The following LURAP1 variants were observed in gnomAD, a reference collection of about 807,000 sequenced individuals.
LURAP1 encodes NF-kappa-B activator C1orf190.
In LURAP1, 14 loss-of-function variants were observed where a neutral mutation model predicts 19.0. The ratio of observed to expected loss-of-function variants is 0.74; its 90% CI spans 0.49 to 1.15. LURAP1 has a LOEUF of 1.15. Ranked by LOEUF, LURAP1 falls within the 50% of genes most tolerant of loss-of-function variation. The probability of loss-of-function intolerance (pLI) is 0.00; values close to 1 mark genes in which losing one functional copy is unlikely to be tolerated. For synonymous variants in LURAP1, 129 were observed against 131.8 expected, an observed-to-expected ratio of 0.98 and a Z score of 0.14; for missense variants, 273 against 309.1, an observed-to-expected ratio of 0.88 and a Z score of 0.87.
At chr1:46,216,449 C>G (rs908914233) in intron 1 of LURAP1, among the ~76,000 whole-genome samples, 1 of 152,166 alleles carries the variant, frequency 6.6e-6, no homozygotes, top group Non-Finnish European at 1.5e-5. Flanking sequence ...TCAAGCAATC[C>G]TCTCACCTCA....
chr1:46,214,137 G>A (rs1276683231), intron 1 of LURAP1, among the ~76,000 whole-genome samples: 2 of 152,114 alleles, frequency 1.3e-5, no homozygotes, highest in African/African-American at 4.8e-5. Flanking sequence ...CTTGAGGTCA[G>A]GAATTTGAGA....
rs964622538 is a variant in LURAP1, at chr1:46,204,663, C to A, written c.198+1039C>A. ...TGGGAAGAGAGTCTGGTGGGTGGAG[C>A]AGTCAGGAAAGGCCCCCTGGGAGAA... On this transcript the variant is annotated intron_variant, in intron 1 of 1. Coordinates refer to ENST00000371980, the MANE Select transcript of LURAP1 (RefSeq NM_001013615.3). Among the ~76,000 whole-genome samples, 3 of 152,158 alleles carry A rather than the reference C, an allele frequency of 2.0e-5. No individual in the cohort carries two copies. In the South Asian group the frequency reaches 6.2e-4, roughly 32 times the overall value.
intron 1 of LURAP1, among the ~76,000 whole-genome samples, chr1:46,213,619 G>A (rs905979107): frequency 9.9e-5 from 15 of 152,092 alleles, no homozygotes; most frequent in Admixed American, 2.6e-4. Flanking sequence ...AGCACTCTGG[G>A]AGGCTGAGGT....
chr1:46,208,276 G>A (rs1015834405), intron 1 of LURAP1, among the ~76,000 whole-genome samples: 6 of 152,130 alleles, frequency 3.9e-5, no homozygotes, highest in African/African-American at 1.4e-4. Context: ...TGCAGGCTGA[G>A]CCACAATGCC....
Position 46,219,984 on chromosome 1 carries a change from C to G in LURAP1, c.484C>G (p.Pro162Ala), listed in dbSNP as rs377174586. 2.4e-5 allele frequency: 39 copies of G among 1,614,246 alleles called. No individual in the cohort carries two copies. Among genetic ancestry groups the G allele is most frequent in the Non-Finnish European group, 3.2e-5 (38 of 1,180,040 alleles). Residue 162 changes from proline to alanine, a missense_variant, in exon 2 of 2, where the codon CCT (proline) becomes GCT (alanine). Transcript: ENST00000371980. The part of the protein sequence containing the change: ...APSELDEQGP[P>A]GAPRSEMDWA... Reference sequence around the variant, plus strand: ...CAGCGAGCTGGATGAACAGGGCCCACCTGGGGCTCCACGTTCCGAGATGGA... The same window carrying G: ...CAGCGAGCTGGATGAACAGGGCCCAGCTGGGGCTCCACGTTCCGAGATGGA...
chr1:46,212,108 A>T (rs1266338736), intron 1 of LURAP1, among the ~76,000 whole-genome samples: 1 of 152,148 alleles, frequency 6.6e-6, no homozygotes, highest in Non-Finnish European at 1.5e-5. Flanking sequence ...TTTATCATAG[A>T]TGTGAATAAA....
chr1:46,204,596 G>T (rs994555390), intron 1 of LURAP1, among the ~76,000 whole-genome samples: 2 of 152,186 alleles, frequency 1.3e-5, no homozygotes, highest in African/African-American at 4.8e-5. Context: ...AATCATGGGG[G>T]CTCTGAGACC....
chr1:46,210,084 G>C (rs1221344740), intron 1 of LURAP1, among the ~76,000 whole-genome samples: 1 of 152,120 alleles, frequency 6.6e-6, no homozygotes. Flanking sequence ...TATTGAGACT[G>C]CAAGCTTCTA....
At position 46,207,002 on chromosome 1, in the gene LURAP1, G is replaced by A. The variant is rs1658737465; in HGVS notation, c.198+3378G>A. Among the ~76,000 whole-genome samples, 10 of 152,236 alleles carry A rather than the reference G, an allele frequency of 6.6e-5. No homozygotes were observed. The South Asian group carries it at 2.1e-3, about 32-fold the overall frequency. On this transcript the variant is annotated intron_variant, in intron 1 of 1. Transcript: ENST00000371980. ...GGTTGGGTTTGTGCTCTAGAAAGTC[G>A]ATTTCAAATTGGAAGGAGGCACAGG...
chr1:46,217,790 G>A (rs534153307), intron 1 of LURAP1, among the ~76,000 whole-genome samples: 1 of 152,244 alleles, frequency 6.6e-6, no homozygotes, highest in East Asian at 1.9e-4. Context: ...CCTGGAGGCG[G>A]AGGTTGCAGT....
At chr1:46,206,700 G>A (rs866638036) in intron 1 of LURAP1, among the ~76,000 whole-genome samples, 1 of 152,196 alleles carries the variant, frequency 6.6e-6, no homozygotes, top group Non-Finnish European at 1.5e-5. Context: ...TCTGCTCTCA[G>A]ATTTATTTCC....
At chr1:46,212,701 C>T (rs1658940900) in intron 1 of LURAP1, among the ~76,000 whole-genome samples, 2 of 152,072 alleles carry the variant, frequency 1.3e-5, no homozygotes, top group African/African-American at 2.4e-5. Context: ...CTGAGCCTCC[C>T]GAGTAGCTGG....
rs1659201317 is a variant in LURAP1, at chr1:46,220,302, T to A, written c.*82T>A. The A allele has an allele frequency of 7.1e-7, 1 of 1,415,044 alleles. No homozygotes were observed. The highest frequency in any genetic ancestry group is 1.4e-5 in the African/African-American group (1 of 70,284). 87.7% of individuals were successfully genotyped at this position (1,415,044 alleles called of 1,614,324 possible). A position where few individuals can be genotyped will look rare whatever the true frequency, so the allele number is the denominator to read the frequency against. On this transcript the variant is annotated 3_prime_UTR_variant, in exon 2 of 2. Transcript: ENST00000371980. The stretch of plus-strand genomic sequence containing the variant: ...CCCCAAAATTGATTCTCCCTCAGTC[T>A]GAGACTAGGAAGAGGCTGCACTGAA...
At chr1:46,209,555 T>C (rs1658828654) in intron 1 of LURAP1, among the ~76,000 whole-genome samples, 2 of 150,448 alleles carry the variant, frequency 1.3e-5, no homozygotes, top group Non-Finnish European at 3.0e-5. Flanking sequence ...TTTTCTTTTT[T>C]TTTTTTTGAG....
rs1659228870 is a variant in LURAP1 at position 46,221,205 on chromosome 1, T to A, written c.*985T>A. On this transcript the variant is annotated 3_prime_UTR_variant, in exon 2 of 2. Coordinates refer to ENST00000371980, the MANE Select transcript of LURAP1 (RefSeq NM_001013615.3). Reference sequence around the variant, plus strand: ...GGCAGGAAAGTTTCTCATTGTCAGATGTTTGTGCTTCTTTTCAGGTCTTAC... The same window carrying A: ...GGCAGGAAAGTTTCTCATTGTCAGAAGTTTGTGCTTCTTTTCAGGTCTTAC... 6.6e-6 allele frequency: 1 copy of A among 152,252 alleles called. No homozygotes were observed. The highest frequency in any genetic ancestry group is 2.1e-4 in the South Asian group (1 of 4,826). The allele number at this position is 152,252 out of a possible 1,614,324, so 9.4% of individuals were successfully genotyped here. A position where few individuals can be genotyped will look rare whatever the true frequency, so the allele number is the denominator to read the frequency against.
chr1:46,212,999 C>T (rs1658951612), intron 1 of LURAP1, among the ~76,000 whole-genome samples: 2 of 152,044 alleles, frequency 1.3e-5, no homozygotes, highest in Admixed American at 1.3e-4. Flanking sequence ...CTCCTGACCT[C>T]TAGTGATCTG....
chr1:46,216,303 C>T (rs1349058402), intron 1 of LURAP1, among the ~76,000 whole-genome samples: 4 of 152,012 alleles, frequency 2.6e-5, no homozygotes, highest in Admixed American at 1.3e-4. Context: ...GCCTCGGCCT[C>T]CCAAAGTGCT....
rs571618618 is a variant in LURAP1 at position 46,208,796 on chromosome 1, G to A, written c.198+5172G>A. On this transcript the variant is annotated intron_variant, in intron 1 of 1. Coordinates refer to ENST00000371980, the MANE Select transcript of LURAP1 (RefSeq NM_001013615.3). ...GCGGAGGTTGCAATGAGCCAAGATC[G>A]TGCCACTGCACTCCAGCCTGGACGA... Among the ~76,000 whole-genome samples, 7 of 152,188 alleles carry A rather than the reference G, an allele frequency of 4.6e-5. No individual in the cohort carries two copies. The South Asian group carries it at 8.3e-4, about 18-fold the overall frequency.
rs758994261 is a variant in LURAP1, at chr1:46,219,861, C to T, written c.361C>T (p.Arg121Cys). The change falls in exon 2 of 2, where the codon CGC becomes TGC. Residue 121 changes from arginine (R) to cysteine (C), a missense_variant. Physicochemically the swap from Arg to Cys is radical, Grantham distance 180 (BLOSUM62 -3). Transcript: ENST00000371980. ...TAGCCTGACAGGCGGGAGCCCAGGCCGCTCAAGGCGAGGCAGCTGGGACAG... is the reference window on the plus strand; with the variant it reads ...TAGCCTGACAGGCGGGAGCCCAGGCTGCTCAAGGCGAGGCAGCTGGGACAG... ...QYSLTGGSPG[R>C]SRRGSWDSLP... 26 of 1,613,758 alleles carry T rather than the reference C, an allele frequency of 1.6e-5. No individual in the cohort carries two copies. The highest frequency in any genetic ancestry group is 1.3e-4 in the South Asian group (12 of 91,050).
Sources: allele counts gnomAD v4.1 joint callset (sites outside exome capture counted in the v4.1 genomes callset), GRCh38; gene constraint gnomAD v4.1.1; transcripts MANE v1.5; gene names NCBI Gene and HGNC (gene_info 2026-07-23, HGNC 2026-07-21).